The following CNBD1 variants were observed in gnomAD, a reference collection of about 807,000 sequenced individuals.
CNBD1 encodes cyclic nucleotide binding domain containing 1, also known as cyclic nucleotide-binding domain-containing protein 1.
In CNBD1, 71 loss-of-function variants were observed where a neutral mutation model predicts 54.4. The ratio of observed to expected loss-of-function variants is 1.30; its 90% CI spans 1.08 to 1.59. CNBD1 has a LOEUF of 1.59. Among genes scored for constraint, CNBD1 ranks in the 40% most tolerant of loss-of-function variants. The probability of loss-of-function intolerance (pLI) is 0.00; values close to 1 mark genes in which losing one functional copy is unlikely to be tolerated. For missense variants in CNBD1, 659 were observed against 518.0 expected, an observed-to-expected ratio of 1.27 and a Z score of -2.64; for synonymous variants, 182 against 170.7, an observed-to-expected ratio of 1.07 and a Z score of -0.51.
chr8:86,873,833 T>C (rs1462998167), intron 1 of CNBD1, among the ~76,000 whole-genome samples: 1 of 152,198 alleles, frequency 6.6e-6, no homozygotes, highest in Non-Finnish European at 1.5e-5. Context: ...ATCTTACAGA[T>C]GTTGGAAGTT....
At chr8:87,126,292 G>T (rs1811988344) in intron 4 of CNBD1, among the ~76,000 whole-genome samples, 1 of 151,834 alleles carries the variant, frequency 6.6e-6, no homozygotes, top group Admixed American at 6.6e-5. Context: ...ATTCCAGAAG[G>T]CAGTATATAA....
intron 8 of CNBD1, among the ~76,000 whole-genome samples, chr8:87,334,447 C>A (rs565814574): frequency 6.6e-6 from 1 of 151,950 alleles, no homozygotes; most frequent in Non-Finnish European, 1.5e-5. Flanking sequence ...TCTTGCTTCT[C>A]TAGTTCTTTT....
chr8:87,418,084 C>G (rs1807865258), intron 2 of CNBD1, among the ~76,000 whole-genome samples: 1 of 151,746 alleles, frequency 6.6e-6, no homozygotes. Context: ...TACTAAGGAC[C>G]CAGAACAGTC....
chr8:87,229,020 G>A (rs200736112), intron 5 of CNBD1, among the ~76,000 whole-genome samples: 100 of 152,184 alleles, frequency 6.6e-4, no homozygotes, highest in Non-Finnish European at 1.2e-3. Context: ...TTCCAGGTGC[G>A]GTCCCTCACC....
chr8:86,961,534 G>T (rs1319000387), intron 4 of CNBD1, among the ~76,000 whole-genome samples: 1 of 152,246 alleles, frequency 6.6e-6, no homozygotes, highest in Non-Finnish European at 1.5e-5. Flanking sequence ...TCTAAGGAGG[G>T]TTTAGTACTA....
At chr8:87,233,204 G>A (rs1232916259) in intron 5 of CNBD1, among the ~76,000 whole-genome samples, 1 of 152,132 alleles carries the variant, frequency 6.6e-6, no homozygotes, top group Non-Finnish European at 1.5e-5. Context: ...GATCCTAGGA[G>A]TATATGATTC....
intron 6 of CNBD1, among the ~76,000 whole-genome samples, chr8:87,263,700 C>T (rs1253748635): frequency 6.6e-6 from 1 of 151,954 alleles, no homozygotes; most frequent in Non-Finnish European, 1.5e-5. Flanking sequence ...AAATTCCTAA[C>T]CTTTGGTACT....
chr8:87,357,375 G>T (rs1296053686), intron 10 of CNBD1, among the ~76,000 whole-genome samples: 1 of 152,140 alleles, frequency 6.6e-6, no homozygotes, highest in Non-Finnish European at 1.5e-5. Context: ...AGCCACGTGG[G>T]CTGCATCCAG....
chr8:87,224,368 G>C (rs1271948291), intron 5 of CNBD1, among the ~76,000 whole-genome samples: 1 of 151,236 alleles, frequency 6.6e-6, no homozygotes, highest in Admixed American at 6.6e-5. Context: ...GGGTTTTTAT[G>C]GTTTTAGGTC....
At chr8:87,074,880 C>A (rs1586238469) in intron 4 of CNBD1, among the ~76,000 whole-genome samples, 1 of 152,170 alleles carries the variant, frequency 6.6e-6, no homozygotes, top group South Asian at 2.1e-4. Flanking sequence ...AGCCATCTTG[C>A]AGAAACCACT....
intron 4 of CNBD1, among the ~76,000 whole-genome samples, chr8:87,168,798 T>C (rs1301643398): frequency 6.6e-6 from 1 of 152,126 alleles, no homozygotes; most frequent in African/African-American, 2.4e-5. Context: ...TACTCCACTG[T>C]GTATATGTGC....
chr8:87,059,105 C>T (rs1810488789), intron 4 of CNBD1, among the ~76,000 whole-genome samples: 2 of 152,160 alleles, frequency 1.3e-5, no homozygotes. Flanking sequence ...GCAAGAGTCA[C>T]CTTTGCTCTA....
At chr8:86,912,570 T>G in intron 3 of CNBD1, among the ~76,000 whole-genome samples, 1 of 152,226 alleles carries the variant, frequency 6.6e-6, no homozygotes, top group East Asian at 1.9e-4. Context: ...TCTATTGTGC[T>G]GCCAGTTATA....
At chr8:87,311,458 G>A (rs1212049656) in intron 8 of CNBD1, among the ~76,000 whole-genome samples, 1 of 152,114 alleles carries the variant, frequency 6.6e-6, no homozygotes, top group African/African-American at 2.4e-5. Context: ...ACAGATGCTG[G>A]TGAGGCTGCA....
chr8:87,333,429 G>A (rs904884244), intron 8 of CNBD1, among the ~76,000 whole-genome samples: 3 of 152,178 alleles, frequency 2.0e-5, no homozygotes, highest in Non-Finnish European at 2.9e-5. Context: ...AGAGTGGTGA[G>A]AGAGGGCATC....
intron 4 of CNBD1, among the ~76,000 whole-genome samples, chr8:86,942,130 G>T (rs561712152): frequency 1.3e-5 from 2 of 152,274 alleles, no homozygotes; most frequent in African/African-American, 4.8e-5. Flanking sequence ...AAAAATTTGT[G>T]ATTTAATCCT....
intron 6 of CNBD1, among the ~76,000 whole-genome samples, chr8:87,247,219 G>A (rs1165162736): frequency 1.3e-5 from 2 of 152,194 alleles, no homozygotes; most frequent in East Asian, 3.9e-4. Flanking sequence ...CAGTTGATTC[G>A]CTTCTAGCAC....
At chr8:87,392,934 T>C (rs968923808) in intron 2 of CNBD1, among the ~76,000 whole-genome samples, 2 of 151,920 alleles carry the variant, frequency 1.3e-5, no homozygotes, top group African/African-American at 4.8e-5. Context: ...AACAATGACA[T>C]GGCTAGCATT....
intron 4 of CNBD1, among the ~76,000 whole-genome samples, chr8:87,116,667 A>C (rs1161725233): frequency 6.6e-6 from 1 of 152,000 alleles, no homozygotes; most frequent in Non-Finnish European, 1.5e-5. Context: ...TCTCCTCCCC[A>C]CCTAGTCCTC....
Sources: allele counts gnomAD v4.1 joint callset (sites outside exome capture counted in the v4.1 genomes callset), GRCh38; gene constraint gnomAD v4.1.1; transcripts MANE v1.5; gene names NCBI Gene and HGNC (gene_info 2026-07-23, HGNC 2026-07-21).